MYT1L: variants seen among roughly 807,000 people sequenced by gnomAD.
MYT1L encodes myelin transcription factor 1 like.
MYT1L carries 12 observed loss-of-function variants against 126.7 expected under a neutral mutation model. The ratio of observed to expected loss-of-function variants is 0.09; its 90% CI spans 0.06 to 0.15. MYT1L has a LOEUF of 0.15. Among genes scored for constraint, MYT1L ranks in the 10% least tolerant of loss-of-function variants. The pLI is 1.00. For missense variants in MYT1L, 979 were observed against 1,585.2 expected, an observed-to-expected ratio of 0.62 and a Z score of 6.49; for synonymous variants, 541 against 604.2, an observed-to-expected ratio of 0.90 and a Z score of 1.53.
At chr2:2,246,292 TTC>T (rs1293527319) in intron 2 of MYT1L, among the ~76,000 whole-genome samples, 1 of 152,196 alleles carries the variant, frequency 6.6e-6, no homozygotes, top group Non-Finnish European at 1.5e-5. Context: ...GTCAGGTTAT[TTC>T]TGAGTCTTCA....
chr2:1,797,070 T>C (rs894917834), intron 23 of MYT1L, among the ~76,000 whole-genome samples: 6 of 151,972 alleles, frequency 3.9e-5, no homozygotes, highest in Middle Eastern at 3.4e-3. Flanking sequence ...AATCGTGGAG[T>C]CCAGAACCAA....
intron 23 of MYT1L, among the ~76,000 whole-genome samples, chr2:1,797,162 G>A (rs1572310847): frequency 6.6e-6 from 1 of 152,122 alleles, no homozygotes; most frequent in African/African-American, 2.4e-5. Flanking sequence ...TTGGGGAAAC[G>A]CAGACCCCAC....
intron 3 of MYT1L, among the ~76,000 whole-genome samples, chr2:2,121,059 G>GC (rs1239574383): frequency 1.3e-5 from 2 of 152,168 alleles, no homozygotes; most frequent in Non-Finnish European, 1.5e-5. Flanking sequence ...TCAAGGAGGT[G>GC]CCCCCCAGCC....
intron 5 of MYT1L, among the ~76,000 whole-genome samples, chr2:1,983,368 C>A (rs2060752997): frequency 6.6e-6 from 1 of 152,210 alleles, no homozygotes; most frequent in African/African-American, 2.4e-5. Flanking sequence ...GCCAATGAAA[C>A]CCAAATCTGA....
chr2:2,255,336 T>TG (rs976353543), intron 2 of MYT1L, among the ~76,000 whole-genome samples: 17 of 151,876 alleles, frequency 1.1e-4, no homozygotes, highest in South Asian at 4.2e-4. Context: ...AGGAGGATAT[T>TG]GGGGGGGTTG....
chr2:1,908,620 A>G (rs2051437376), intron 13 of MYT1L, among the ~76,000 whole-genome samples: 1 of 152,344 alleles, frequency 6.6e-6, no homozygotes, highest in Admixed American at 6.5e-5. Flanking sequence ...TCCTTTGACC[A>G]ATAACGATTC....
At chr2:2,116,163 C>T (rs1319982889) in intron 3 of MYT1L, among the ~76,000 whole-genome samples, 1 of 152,210 alleles carries the variant, frequency 6.6e-6, no homozygotes, top group Non-Finnish European at 1.5e-5. Context: ...CACAAAACCA[C>T]GAGGAAGAAA....
At chr2:1,830,490 G>A (rs1450745892) in intron 21 of MYT1L, among the ~76,000 whole-genome samples, 5 of 152,120 alleles carry the variant, frequency 3.3e-5, no homozygotes, top group East Asian at 1.9e-4. Context: ...GGGTGTTCTC[G>A]GCACCCCGAA....
chr2:2,261,018 T>C (rs2094951361), intron 2 of MYT1L, among the ~76,000 whole-genome samples: 1 of 152,298 alleles, frequency 6.6e-6, no homozygotes, highest in South Asian at 2.1e-4. Context: ...TACTCAGAGA[T>C]TGAGCACCAA....
In MYT1L at chr2:2,169,796, C is replaced by T. The variant is rs142452840; in HGVS notation, c.-304+3076G>A. 6.2e-4 allele frequency among the ~76,000 whole-genome samples: 94 copies of T among 152,244 alleles called. 1 individual carries two copies. In the East Asian group the frequency reaches 0.017, roughly 27 times the overall value. ...TGCTGACCGGCATCCCTCACCCTTC[C>T]GGGAAGATGTTTTCTTTTGGCTTAT... On this transcript the variant is annotated intron_variant, in intron 3 of 24. Coordinates refer to ENST00000647738, the MANE Select transcript of MYT1L (RefSeq NM_001303052.2).
At chr2:1,958,550 G>A (rs2058701447) in intron 8 of MYT1L, among the ~76,000 whole-genome samples, 1 of 152,224 alleles carries the variant, frequency 6.6e-6, no homozygotes. Context: ...GGAATCGGGG[G>A]GCCTTGAAGA....
chr2:2,039,163 G>A (rs765844822), intron 4 of MYT1L, among the ~76,000 whole-genome samples: 59 of 152,286 alleles, frequency 3.9e-4, no homozygotes, highest in African/African-American at 1.1e-3. Flanking sequence ...GAATAATCAT[G>A]GGGACATTAT....
intron 2 of MYT1L, among the ~76,000 whole-genome samples, chr2:2,212,841 T>A (rs906633870): frequency 6.6e-6 from 1 of 152,182 alleles, no homozygotes; most frequent in Non-Finnish European, 1.5e-5. Flanking sequence ...TCATTCCACC[T>A]AGCTCAATTC....
chr2:2,104,360 T>C (rs2078477851), intron 3 of MYT1L, among the ~76,000 whole-genome samples: 1 of 152,254 alleles, frequency 6.6e-6, no homozygotes, highest in South Asian at 2.1e-4. Flanking sequence ...AGTAATAGCA[T>C]GGTACTGCAG....
chr2:1,962,835 T>A (rs1455821406), intron 8 of MYT1L, among the ~76,000 whole-genome samples: 1 of 152,220 alleles, frequency 6.6e-6, no homozygotes, highest in African/African-American at 2.4e-5. Context: ...TTCCACCACA[T>A]CTGCAGTGAC....
At chr2:2,137,620 G>A (rs2083260558) in intron 3 of MYT1L, among the ~76,000 whole-genome samples, 1 of 152,192 alleles carries the variant, frequency 6.6e-6, no homozygotes, top group African/African-American at 2.4e-5. Flanking sequence ...ATGGTGCTGA[G>A]AAAACTGGCT....
At position 2,011,601 on chromosome 2, in the gene MYT1L, G is replaced by T. The variant is rs937945057; in HGVS notation, c.-157-14254C>A. Among the ~76,000 whole-genome samples, 6 of 152,002 alleles carry T rather than the reference G, an allele frequency of 3.9e-5. No individual in the cohort carries two copies. The East Asian group carries it at 1.2e-3, about 29-fold the overall frequency. ...ACAAAAGTGAAAAAAACAATCTACA[G>T]AAGGGGAGAAGGTATTTAAAAATCA... On this transcript the variant is annotated intron_variant, in intron 4 of 24. Transcript: ENST00000647738.
intron 18 of MYT1L, among the ~76,000 whole-genome samples, chr2:1,872,229 C>A (rs115978129): frequency 0.024 from 3,698 of 152,270 alleles, 108 homozygotes; most frequent in African/African-American, 0.072. Context: ...TTCCGACCCC[C>A]AGTCATCCAC....
intron 2 of MYT1L, among the ~76,000 whole-genome samples, chr2:2,223,525 G>C (rs1379178397): frequency 6.6e-6 from 1 of 152,090 alleles, no homozygotes; most frequent in Non-Finnish European, 1.5e-5. Flanking sequence ...TTCTTGATTG[G>C]TTCTGTACTG....
Sources: allele counts gnomAD v4.1 joint callset (sites outside exome capture counted in the v4.1 genomes callset), GRCh38; gene constraint gnomAD v4.1.1; transcripts MANE v1.5; gene names NCBI Gene and HGNC (gene_info 2026-07-23, HGNC 2026-07-21).